HTR2C: variants seen among roughly 807,000 people sequenced by gnomAD.
The protein encoded by HTR2C is 5-hydroxytryptamine receptor 2C, also known as 5-hydroxytryptamine (serotonin) receptor 2C, G protein-coupled.
A neutral mutation model predicts 21.0 loss-of-function variants in HTR2C; 5 were observed. The observed-to-expected ratio is 0.24, with a 90% CI of 0.12 to 0.50. The LOEUF is 0.50. Among genes scored for constraint, HTR2C ranks in the 20% least tolerant of loss-of-function variants. The probability of loss-of-function intolerance (pLI) is 0.98; values close to 1 mark genes in which losing one functional copy is unlikely to be tolerated. For missense variants in HTR2C, 271 were observed against 371.2 expected (o/e 0.73, Z 2.22); for synonymous variants, 150 against 145.3 (o/e 1.03, Z -0.23).
rs201244838 is a variant in HTR2C, at chrX:114,907,023, A to G, written c.985A>G (p.Ile329Val). Reference protein sequence around the residue: ...VFLIMWCPFFITNILSVLCEK... With the variant: ...VFLIMWCPFFVTNILSVLCEK... ...TCTGATCATGTGGTGCCCATTTTTC[A>G]TTACCAATATTCTGTCTGTTCTTTG... is the stretch of plus-strand genomic sequence containing the variant. The change falls in exon 6 of 6, where the codon ATT becomes GTT. Residue 329 changes from isoleucine to valine, a missense_variant. Coordinates refer to ENST00000276198, the MANE Select transcript of HTR2C (RefSeq NM_000868.4). 41 of 1,208,509 alleles carry G rather than the reference A, an allele frequency of 3.4e-5. No individual in the cohort carries two copies. The highest frequency in any genetic ancestry group is 4.6e-5 in the Non-Finnish European group (41 of 894,302).
intron 4 of HTR2C, among the ~76,000 whole-genome samples, chrX:114,829,773 A>G (rs1556459929): frequency 9.0e-6 from 1 of 111,401 alleles, no homozygotes; most frequent in Non-Finnish European, 1.9e-5. Context: ...ACAAGTGTAA[A>G]ACTCAGCTGA....
At chrX:114,874,823 A>G (rs1183131626) in intron 5 of HTR2C, among the ~76,000 whole-genome samples, 1 of 110,713 alleles carries the variant, frequency 9.0e-6, no homozygotes, top group African/African-American at 3.3e-5. Context: ...TATGGTTTTG[A>G]TTTGCATTTT....
At chrX:114,873,241 G>T (rs782188008) in intron 5 of HTR2C, among the ~76,000 whole-genome samples, 1 of 111,209 alleles carries the variant, frequency 9.0e-6, no homozygotes, top group East Asian at 2.8e-4. Context: ...GGTTTAAACC[G>T]AATCTTTTGC....
intron 4 of HTR2C, among the ~76,000 whole-genome samples, chrX:114,773,893 C>G (rs1246337793): frequency 2.7e-5 from 3 of 111,938 alleles, no homozygotes; most frequent in African/African-American, 9.7e-5. Context: ...CCATCCCACC[C>G]TGTGTCCAAA....
chrX:114,874,975 A>G (rs1248184054), intron 5 of HTR2C, among the ~76,000 whole-genome samples: 1 of 111,662 alleles, frequency 9.0e-6, no homozygotes, highest in African/African-American at 3.3e-5. Flanking sequence ...AGGCTGCTAT[A>G]ACAAAACATC....
chrX:114,609,714 TTAAA>T (rs1269471504), intron 1 of HTR2C, among the ~76,000 whole-genome samples: 1 of 112,137 alleles, frequency 8.9e-6, no homozygotes, highest in African/African-American at 3.2e-5. Flanking sequence ...TATGTATGCT[TTAAA>T]TAGTCTATAA....
chrX:114,867,444 C>T (rs782738875), intron 5 of HTR2C, among the ~76,000 whole-genome samples: 1 of 110,966 alleles, frequency 9.0e-6, no homozygotes, highest in Admixed American at 9.7e-5. Flanking sequence ...TATTTTCTCC[C>T]ATTCTGTGGG....
intron 2 of HTR2C, among the ~76,000 whole-genome samples, chrX:114,634,046 G>A (rs1416914165): frequency 9.2e-6 from 1 of 108,441 alleles, no homozygotes; most frequent in Admixed American, 1.0e-4. Context: ...TATAATAGAA[G>A]GTACTTGTTT....
intron 4 of HTR2C, among the ~76,000 whole-genome samples, chrX:114,795,841 A>T (rs781878923): frequency 1.8e-5 from 2 of 111,290 alleles, no homozygotes; most frequent in South Asian, 7.5e-4. Flanking sequence ...GCTATCCTGG[A>T]TCTACGTCAA....
At chrX:114,677,954 CT>C (rs369562089) in intron 2 of HTR2C, among the ~76,000 whole-genome samples, 283 of 107,456 alleles carry the variant, frequency 2.6e-3, no homozygotes, top group Non-Finnish European at 2.8e-3. Flanking sequence ...CTAAAGCACT[CT>C]TTTTTTTTTC....
intron 1 of HTR2C, among the ~76,000 whole-genome samples, chrX:114,593,672 T>C (rs782232439): frequency 3.1e-5 from 2 of 63,830 alleles, no homozygotes; most frequent in Admixed American, 1.9e-4. Flanking sequence ...AAGGTATTTA[T>C]AGTGCAAATT....
intron 5 of HTR2C, among the ~76,000 whole-genome samples, chrX:114,893,913 G>T (rs1443982110): frequency 8.9e-6 from 1 of 111,949 alleles, no homozygotes; most frequent in Non-Finnish European, 1.9e-5. Flanking sequence ...CCAAATGGCA[G>T]TAAGTATATG....
chrX:114,802,283 A>C (rs957150616), intron 4 of HTR2C, among the ~76,000 whole-genome samples: 2 of 111,088 alleles, frequency 1.8e-5, no homozygotes, highest in Non-Finnish European at 3.8e-5. Flanking sequence ...TTTCTTATCT[A>C]TCTCTTTTAC....
intron 2 of HTR2C, among the ~76,000 whole-genome samples, chrX:114,642,558 A>G (rs781906520): frequency 1.8e-5 from 2 of 112,282 alleles, no homozygotes; most frequent in African/African-American, 6.5e-5. Flanking sequence ...TTAGGAATAT[A>G]CAAGTTAGTA....
intron 4 of HTR2C, among the ~76,000 whole-genome samples, chrX:114,770,563 T>G (rs2069990125): frequency 9.0e-6 from 1 of 111,608 alleles, no homozygotes; most frequent in Non-Finnish European, 1.9e-5. Context: ...TTTTAAATAT[T>G]AAATTAATTT....
intron 5 of HTR2C, among the ~76,000 whole-genome samples, chrX:114,900,923 C>T (rs1210372424): frequency 1.8e-4 from 20 of 112,110 alleles, no homozygotes; most frequent in African/African-American, 6.1e-4. Flanking sequence ...CACTCCTTCC[C>T]TTTGTTCGTA....
At chrX:114,878,318 A>G (rs2071154574) in intron 5 of HTR2C, among the ~76,000 whole-genome samples, 1 of 110,684 alleles carries the variant, frequency 9.0e-6, no homozygotes, top group Admixed American at 9.6e-5. Flanking sequence ...ATTAAATGTT[A>G]ACATATTGTA....
chrX:114,731,270 G>GTTT lies in HTR2C; in HGVS notation c.36-15_36-13dup, dbSNP rs371148134. 2.3e-5 allele frequency: 21 copies of GTTT among 899,190 alleles called. No individual in the cohort carries two copies. The African/African-American group carries it at 2.7e-4, about 12-fold the overall frequency. 74.1% of individuals were successfully genotyped at this position (899,190 alleles called of 1,213,427 possible). On this transcript the variant is annotated intron_variant, in intron 3 of 5. Coordinates refer to ENST00000276198, the MANE Select transcript of HTR2C (RefSeq NM_000868.4). ...TAAGTAATATAATATGTACCTGATT[G>GTTT]TTTTTTTTTTTCTTAATTTTCAGTG...
At chrX:114,604,985 A>G (rs368693919) in intron 1 of HTR2C, among the ~76,000 whole-genome samples, 11 of 110,007 alleles carry the variant, frequency 1.0e-4, no homozygotes, top group South Asian at 7.6e-4. Flanking sequence ...ATTTAATGTC[A>G]GGAGCAGATT....
Sources: gnomAD v4.1 joint callset for allele counts (sites outside exome capture counted in the v4.1 genomes callset) on GRCh38, gnomAD v4.1.1 for gene constraint, MANE v1.5 for transcripts, NCBI Gene and HGNC (gene_info 2026-07-23, HGNC 2026-07-21) for gene names.